The following LINGO2 variants were observed in gnomAD, a reference collection of about 807,000 sequenced individuals.
LINGO2 encodes leucine rich repeat and Ig domain containing 2.
Under a neutral mutation model 30.6 loss-of-function variants are expected in LINGO2, and 14 were observed. The observed-to-expected ratio is 0.46, with a 90% CI of 0.30 to 0.72. LINGO2 has a LOEUF of 0.72. Ranked by LOEUF, LINGO2 falls within the 30% of genes least tolerant of loss-of-function variation. LINGO2 has a pLI of 0.07. For missense variants in LINGO2, 729 were observed against 751.7 expected, an observed-to-expected ratio of 0.97 and a Z score of 0.35; for synonymous variants, 317 against 288.5, an observed-to-expected ratio of 1.10 and a Z score of -1.00.
intron 5 of LINGO2, among the ~76,000 whole-genome samples, chr9:27,993,764 C>T (rs933078222): frequency 6.6e-6 from 1 of 151,970 alleles, no homozygotes; most frequent in South Asian, 2.1e-4. Flanking sequence ...TTAACATTTA[C>T]CCCTAGTACC....
At chr9:28,592,570 C>T (rs1214591234) in intron 1 of LINGO2, among the ~76,000 whole-genome samples, 1 of 152,088 alleles carries the variant, frequency 6.6e-6, no homozygotes, top group Non-Finnish European at 1.5e-5. Flanking sequence ...AATGGTGCCT[C>T]TCTCAGCAAG....
At chr9:28,798,571 A>G in the LINGO2 span, among the ~76,000 whole-genome samples, 1 of 152,128 alleles carries the variant, frequency 6.6e-6, no homozygotes, top group Non-Finnish European at 1.5e-5. Flanking sequence ...TGGTTTGAGA[A>G]GAGGGAGGAA....
chr9:27,965,649 T>C (rs1280804102), intron 5 of LINGO2, among the ~76,000 whole-genome samples: 8 of 152,146 alleles, frequency 5.3e-5, no homozygotes, highest in Admixed American at 3.3e-4. Context: ...TGTTCTCGTG[T>C]TTATTTTGAT....
the LINGO2 span, among the ~76,000 whole-genome samples, chr9:28,830,346 C>T: frequency 6.6e-6 from 1 of 152,036 alleles, no homozygotes; most frequent in South Asian, 2.1e-4. Context: ...GGGAGAATAA[C>T]GCAGCATGCA....
the LINGO2 span, among the ~76,000 whole-genome samples, chr9:28,828,330 A>G: frequency 2.2e-3 from 335 of 152,210 alleles, 3 homozygotes; most frequent in South Asian, 0.022. Flanking sequence ...GAATTATATT[A>G]AAAATCCATT....
At chr9:28,963,380 G>A in the LINGO2 span, among the ~76,000 whole-genome samples, 1 of 151,974 alleles carries the variant, frequency 6.6e-6, no homozygotes, top group Non-Finnish European at 1.5e-5. Flanking sequence ...ATGTGATCAA[G>A]CAGTTCCACT....
the LINGO2 span, among the ~76,000 whole-genome samples, chr9:28,991,786 A>G: frequency 3.4e-5 from 5 of 148,724 alleles, no homozygotes; most frequent in Non-Finnish European, 3.0e-5. Context: ...GTGAAGGAGA[A>G]ATAAAATACT....
intron 1 of LINGO2, among the ~76,000 whole-genome samples, chr9:28,653,671 C>G (rs1828210052): frequency 6.6e-6 from 1 of 152,094 alleles, no homozygotes; most frequent in Non-Finnish European, 1.5e-5. Context: ...AAATAAGAGT[C>G]AAATACCAGA....
chr9:28,789,320 CAAT>C, the LINGO2 span, among the ~76,000 whole-genome samples: 5 of 152,250 alleles, frequency 3.3e-5, no homozygotes, highest in Admixed American at 6.5e-5. Flanking sequence ...GCTATTATCT[CAAT>C]AGTATCTTAT....
At chr9:28,029,163 T>C (rs1823537117) in intron 4 of LINGO2, among the ~76,000 whole-genome samples, 1 of 152,038 alleles carries the variant, frequency 6.6e-6, no homozygotes, top group African/African-American at 2.4e-5. Flanking sequence ...AAAAATAAGG[T>C]CCCTTTAAGA....
chr9:28,594,147 C>T (rs995978276), intron 1 of LINGO2, among the ~76,000 whole-genome samples: 1 of 151,876 alleles, frequency 6.6e-6, no homozygotes, highest in African/African-American at 2.4e-5. Context: ...AGAGCAAAAT[C>T]AATTTCATAG....
At chr9:28,366,164 A>T (rs1216263174) in intron 3 of LINGO2, among the ~76,000 whole-genome samples, 3 of 152,206 alleles carry the variant, frequency 2.0e-5, no homozygotes, top group African/African-American at 7.2e-5. Flanking sequence ...TAGTAACTAC[A>T]GCTTGCTTCC....
At chr9:28,323,147 A>T (rs1442465922) in intron 3 of LINGO2, among the ~76,000 whole-genome samples, 1 of 152,222 alleles carries the variant, frequency 6.6e-6, no homozygotes, top group Non-Finnish European at 1.5e-5. Flanking sequence ...ATACAGTTTA[A>T]TATGTTATAT....
the LINGO2 span, among the ~76,000 whole-genome samples, chr9:29,042,773 A>G: frequency 3.3e-5 from 5 of 152,078 alleles, no homozygotes; most frequent in East Asian, 7.7e-4. Flanking sequence ...TTTCTAATAC[A>G]CACAATTTGG....
At chr9:28,141,469 TA>T (rs1827669961) in intron 4 of LINGO2, among the ~76,000 whole-genome samples, 1 of 152,218 alleles carries the variant, frequency 6.6e-6, no homozygotes, top group African/African-American at 2.4e-5. Context: ...CCTAAAACCA[TA>T]ATAGCACCTC....
chr9:27,963,146 C>T (rs1055293373), intron 5 of LINGO2, among the ~76,000 whole-genome samples: 14 of 152,120 alleles, frequency 9.2e-5, no homozygotes, highest in African/African-American at 3.1e-4. Flanking sequence ...ATGATTCTCA[C>T]TATTTCCTCT....
chr9:28,498,476 C>T (rs184100294), intron 1 of LINGO2, among the ~76,000 whole-genome samples: 1 of 152,308 alleles, frequency 6.6e-6, no homozygotes, highest in East Asian at 1.9e-4. Context: ...GTTATAATCT[C>T]CTGGTGTGCC....
intron 2 of LINGO2, among the ~76,000 whole-genome samples, chr9:28,429,538 T>C (rs1823560990): frequency 1.3e-5 from 2 of 152,116 alleles, no homozygotes; most frequent in South Asian, 4.1e-4. Flanking sequence ...GCATAACTGA[T>C]GATATTATAT....
chr9:28,561,772 TATATATATAA>T (rs1366042727), intron 1 of LINGO2, among the ~76,000 whole-genome samples: 9,930 of 134,812 alleles, frequency 0.074, 1,947 homozygotes, highest in African/African-American at 0.16. Context: ...TATATATATA[TATATATATAA>T]AAAATATGCT....
Sources: gnomAD v4.1 joint callset for allele counts (sites outside exome capture counted in the v4.1 genomes callset) on GRCh38, gnomAD v4.1.1 for gene constraint, MANE v1.5 for transcripts, NCBI Gene and HGNC (gene_info 2026-07-23, HGNC 2026-07-21) for gene names.